The following KAT6A variants were observed in gnomAD, a reference collection of about 807,000 sequenced individuals.
KAT6A encodes the protein histone acetyltransferase KAT6A.
In KAT6A, 9 loss-of-function variants were observed where a neutral mutation model predicts 198.4. The ratio of observed to expected loss-of-function variants is 0.05; its 90% CI spans 0.03 to 0.08. KAT6A has a LOEUF of 0.08. Among genes scored for constraint, KAT6A ranks in the 10% least tolerant of loss-of-function variants. The pLI is 1.00. For missense variants in KAT6A, 2,077 were observed against 2,509.9 expected (o/e 0.83, Z 3.69); for synonymous variants, 890 against 883.0 (o/e 1.01, Z -0.14).
At chr8:42,021,357 T>C (rs1415110607) in intron 2 of KAT6A, among the ~76,000 whole-genome samples, 1 of 152,216 alleles carries the variant, frequency 6.6e-6, no homozygotes. Flanking sequence ...GTCAGCACTA[T>C]TTCTTGCTCT....
chr8:41,978,555 T>C (rs1371190376), intron 6 of KAT6A, 87 bp downstream of exon 6: 5 of 1,404,376 alleles, frequency 3.6e-6, no homozygotes, highest in Admixed American at 4.4e-5. Context: ...ACAATGGAAT[T>C]TTTTTCATAG....
At chr8:42,031,038 A>AAGGT (rs35595569) in intron 2 of KAT6A, among the ~76,000 whole-genome samples, 1 of 113,378 alleles carries the variant, frequency 8.8e-6, no homozygotes, top group Non-Finnish European at 1.7e-5. Context: ...AAAAAAAAAA[A>AAGGT]GGGGGGGGGG....
At chr8:41,939,213 G>T (rs1287978154) in intron 15 of KAT6A, among the ~76,000 whole-genome samples, 2 of 152,118 alleles carry the variant, frequency 1.3e-5, no homozygotes, top group Non-Finnish European at 2.9e-5. Context: ...CCACTCTGAG[G>T]GGGTAGAAAT....
At chr8:42,025,492 G>A (rs1333430557) in intron 2 of KAT6A, among the ~76,000 whole-genome samples, 2 of 152,162 alleles carry the variant, frequency 1.3e-5, no homozygotes, top group African/African-American at 4.8e-5. Flanking sequence ...GGGATTACAG[G>A]TGTGAGCCAC....
At chr8:41,974,877 T>C in intron 7 of KAT6A, 55 bp from the exon 8 acceptor site, 2 of 1,092,570 alleles carry the variant, frequency 1.8e-6, no homozygotes, top group African/African-American at 1.6e-5. Flanking sequence ...ATACATGAAC[T>C]AGAAAAAATT....
chr8:42,007,518 A>T (rs1825805778), intron 2 of KAT6A, among the ~76,000 whole-genome samples: 2 of 152,234 alleles, frequency 1.3e-5, no homozygotes, highest in Admixed American at 6.5e-5. Flanking sequence ...GGTCCAGAGC[A>T]GTTACTTAAG....
Position 42,027,603 on chromosome 8 carries a change from G to A in KAT6A, c.600+20775C>T, listed in dbSNP as rs190032254. Reference sequence around the variant, plus strand: ...CATACAGTTGTTCATAATAGTTGCTGACGATCCTTTGTACTTCTGTGGTAT... The same window carrying A: ...CATACAGTTGTTCATAATAGTTGCTAACGATCCTTTGTACTTCTGTGGTAT... On this transcript the variant is annotated intron_variant, in intron 2 of 16. Coordinates refer to ENST00000265713, the MANE Select transcript of KAT6A (RefSeq NM_006766.5). 1.8e-3 allele frequency among the ~76,000 whole-genome samples: 273 copies of A among 152,170 alleles called. 1 individual carries two copies. The highest frequency in any genetic ancestry group is 2.0e-3 in the Non-Finnish European group (139 of 67,990).
chr8:41,989,163 A>C (rs1402588517), intron 2 of KAT6A, among the ~76,000 whole-genome samples: 5 of 152,152 alleles, frequency 3.3e-5, no homozygotes, highest in Admixed American at 3.3e-4. Context: ...GAAAATACAC[A>C]ATCAGGTTTG....
At chr8:41,992,375 GTTTTAATGTA>G in intron 2 of KAT6A, among the ~76,000 whole-genome samples, 1 of 152,238 alleles carries the variant, frequency 6.6e-6, no homozygotes. Flanking sequence ...ATTGCAATAG[GTTTTAATGTA>G]TTCTAAGTGT....
intron 8 of KAT6A, among the ~76,000 whole-genome samples, chr8:41,964,332 G>T (rs1823351335): frequency 1.3e-5 from 2 of 152,060 alleles, no homozygotes; most frequent in South Asian, 2.1e-4. Context: ...TAATAAGAGG[G>T]TATCTATTAC....
chr8:42,018,121 C>T (rs149396822), intron 2 of KAT6A, among the ~76,000 whole-genome samples: 27 of 152,286 alleles, frequency 1.8e-4, no homozygotes, highest in South Asian at 1.7e-3. Flanking sequence ...TCTACTAATA[C>T]AACTCAAAGA....
intron 1 of KAT6A, among the ~76,000 whole-genome samples, chr8:42,051,632 C>T (rs1451154043): frequency 6.9e-6 from 1 of 144,976 alleles, no homozygotes; most frequent in Non-Finnish European, 1.5e-5. Context: ...GGCCCGCGAG[C>T]GCGGGGCCGG....
rs374869246 is a variant in KAT6A at position 41,977,250 on chromosome 8, G to A, written c.1121C>T (p.Ser374Leu). The change falls in exon 7 of 17, where the codon TCA becomes TTA. Residue 374 changes from serine to leucine, a missense_variant. Coordinates refer to ENST00000265713, the MANE Select transcript of KAT6A (RefSeq NM_006766.5). Reference protein sequence around the residue: ...RKRKITLSSQSASSSSEEGYL... With the variant: ...RKRKITLSSQLASSSSEEGYL... ...TCCTTCTTCTGATGATGATGATGCT[G>A]ATTGGCTGGAAAGAGTGATTTTTCG... The A allele has an allele frequency of 2.4e-5, 39 of 1,614,084 alleles. No individual in the cohort carries two copies. In the African/African-American group the frequency reaches 3.9e-4, roughly 16 times the overall value.
At chr8:41,950,688 G>A (rs1374785742) in intron 9 of KAT6A, among the ~76,000 whole-genome samples, 2 of 152,162 alleles carry the variant, frequency 1.3e-5, no homozygotes, top group Non-Finnish European at 2.9e-5. Flanking sequence ...AACAGTGACA[G>A]ACCATGAAGC....
At position 41,974,667 on chromosome 8, in the gene KAT6A, A is replaced by C. The variant is rs754228859; in HGVS notation, c.1482+37T>G. The C allele has an allele frequency of 4.0e-6, 5 of 1,248,582 alleles. No homozygotes were observed. The Admixed American group carries it at 7.3e-5, about 18-fold the overall frequency. The allele number at this position is 1,248,582 out of a possible 1,614,324, so 77.3% of individuals were successfully genotyped here. A position where few individuals can be genotyped will look rare whatever the true frequency, so the allele number is the denominator to read the frequency against. On this transcript the variant is annotated intron_variant, in intron 8 of 16. Coordinates refer to ENST00000265713, the MANE Select transcript of KAT6A (RefSeq NM_006766.5). ...ATCTGCTGTTTCTCAGCCATGAACA[A>C]GTTGCTTGATTGTCTAACCTGAATA...
intron 8 of KAT6A, among the ~76,000 whole-genome samples, chr8:41,964,382 C>T (rs1261209256): frequency 6.6e-6 from 1 of 151,916 alleles, no homozygotes; most frequent in African/African-American, 2.4e-5. Context: ...TCAATAGTCC[C>T]CCTTATCCAC....
intron 2 of KAT6A, among the ~76,000 whole-genome samples, chr8:41,988,654 G>A (rs962601759): frequency 6.6e-6 from 1 of 152,172 alleles, no homozygotes; most frequent in African/African-American, 2.4e-5. Flanking sequence ...AAATAGCAAT[G>A]GGCTTAAAAC....
intron 5 of KAT6A, among the ~76,000 whole-genome samples, chr8:41,979,398 G>T (rs545732912): frequency 2.0e-5 from 3 of 151,280 alleles, no homozygotes; most frequent in East Asian, 2.0e-4. Context: ...CATCACTTTG[G>T]GGGGCTGAGG....
chr8:42,019,909 C>T (rs555210011), intron 2 of KAT6A, among the ~76,000 whole-genome samples: 23 of 151,486 alleles, frequency 1.5e-4, no homozygotes, highest in Non-Finnish European at 2.5e-4. Flanking sequence ...CTTTTTTTTC[C>T]TCCAATGATA....
Sources: gnomAD v4.1 joint callset for allele counts (sites outside exome capture counted in the v4.1 genomes callset) on GRCh38, gnomAD v4.1.1 for gene constraint, MANE v1.5 for transcripts, NCBI Gene and HGNC (gene_info 2026-07-23, HGNC 2026-07-21) for gene names.